Variants in STX5 observed in about 807,000 individuals in gnomAD.
STX5 encodes the protein syntaxin 5, also known as syntaxin-5.
In STX5, 15 loss-of-function variants were observed where a neutral mutation model predicts 42.9. The ratio of observed to expected loss-of-function variants is 0.35; its 90% CI spans 0.23 to 0.54. The LOEUF is 0.54. STX5 is among the 20% of genes least tolerant of loss of function. The probability of loss-of-function intolerance (pLI) is 0.91; values close to 1 mark genes in which losing one functional copy is unlikely to be tolerated. For missense variants in STX5, 430 were observed against 455.0 expected, an observed-to-expected ratio of 0.95 and a Z score of 0.50; for synonymous variants, 184 against 173.2, an observed-to-expected ratio of 1.06 and a Z score of -0.49.
intron 2 of STX5, 73 bp from the exon 3 acceptor site, chr11:62,827,704 T>C: frequency 2.7e-6 from 4 of 1,509,000 alleles, no homozygotes; most frequent in Non-Finnish European, 3.7e-6. Flanking sequence ...CTTCCTGAGG[T>C]GTCCACTAAC....
At chr11:62,819,694 G>C (rs762345012) in intron 10 of STX5, among the ~76,000 whole-genome samples, 2 of 151,092 alleles carry the variant, frequency 1.3e-5, no homozygotes, top group Admixed American at 1.3e-4. Flanking sequence ...CGCCCAGCTT[G>C]TGTTTTTGTT....
chr11:62,814,198 T>C (rs2084648068), intron 10 of STX5, among the ~76,000 whole-genome samples: 1 of 152,168 alleles, frequency 6.6e-6, no homozygotes, highest in Admixed American at 6.6e-5. Flanking sequence ...GGAGTTTCGC[T>C]CTTGTTGCTC....
intron 5 of STX5, among the ~76,000 whole-genome samples, chr11:62,825,821 T>C (rs2084789488): frequency 1.3e-5 from 2 of 152,162 alleles, no homozygotes. Flanking sequence ...CTCCATTCTG[T>C]GAGGCCATGC....
rs766065981 is a variant in STX5, at chr11:62,831,256, C to T, written c.-13G>A. 3.2e-6 allele frequency: 5 copies of T among 1,553,712 alleles called. No homozygotes were observed. In the South Asian group the frequency reaches 5.9e-5, roughly 18 times the overall value. On this transcript the variant is annotated 5_prime_UTR_variant, in exon 2 of 11. Transcript: ENST00000294179. ...TCCGCGGGATCATTGAGACGCATAACCTCGGACTGTTGTGGAGGGGAGAGT... is the reference window on the plus strand; with the variant it reads ...TCCGCGGGATCATTGAGACGCATAATCTCGGACTGTTGTGGAGGGGAGAGT...
At chr11:62,830,162 CTTT>C (rs201147713) in intron 2 of STX5, among the ~76,000 whole-genome samples, 4 of 137,766 alleles carry the variant, frequency 2.9e-5, no homozygotes, top group East Asian at 2.1e-4. Context: ...CCACGTCCAG[CTTT>C]TTTTTTTTTT....
intron 2 of STX5, chr11:62,830,491 T>G (rs2084844305): frequency 2.2e-6 from 1 of 455,048 alleles, no homozygotes; most frequent in East Asian, 7.0e-5. Flanking sequence ...AGACTGCAAG[T>G]GAGCTATCAT....
Position 62,831,234 on chromosome 11 carries a change from G to A in STX5, c.10C>T (p.Arg4Trp), listed in dbSNP as rs776207387. The stretch of plus-strand genomic sequence containing the variant: ...GTGTTCTTAGACCCGTAGCGTTTCC[G>A]CGGGATCATTGAGACGCATAACCTC... MIP[R>W]KRYGSKNTDQ... The change falls in exon 2 of 11, where the codon CGG (arginine) becomes TGG (tryptophan). Residue 4 changes from arginine (R) to tryptophan (W), a missense_variant. Transcript: ENST00000294179. 2 of 1,560,854 alleles carry A rather than the reference G, an allele frequency of 1.3e-6. No individual in the cohort carries two copies. The highest frequency in any genetic ancestry group is 1.2e-5 in the South Asian group (1 of 84,910).
intron 10 of STX5, among the ~76,000 whole-genome samples, chr11:62,812,931 G>T (rs1183690126): frequency 6.6e-6 from 1 of 151,360 alleles, no homozygotes; most frequent in Non-Finnish European, 1.5e-5. Flanking sequence ...GGCCAATATG[G>T]TGACACCCCA....
intron 2 of STX5, among the ~76,000 whole-genome samples, 164 bp downstream of exon 2, chr11:62,830,855 C>G (rs1371157067): frequency 2.0e-5 from 3 of 152,190 alleles, no homozygotes; most frequent in African/African-American, 7.2e-5. Flanking sequence ...AGTTAGCCAG[C>G]CGACCTCTTC....
chr11:62,827,093 T>C lies in STX5; in HGVS notation c.423+62A>G, dbSNP rs2084804427. The C allele has an allele frequency of 2.6e-6, 4 of 1,520,482 alleles. No homozygotes were observed. In the African/African-American group the frequency reaches 4.1e-5, roughly 16 times the overall value. 94.2% of individuals were successfully genotyped at this position (1,520,482 alleles called of 1,614,324 possible). ...TCTGGGTCCCCATGGCAATGGAAAA[T>C]GACAGGAAGACAGAAGTGATCTGAT... On this transcript the variant is annotated intron_variant, in intron 5 of 10. Coordinates refer to ENST00000294179, the MANE Select transcript of STX5 (RefSeq NM_003164.5).
chr11:62,827,578 T>C lies in STX5; in HGVS notation c.279A>G (p.Glu93=), dbSNP rs1590975523. ...PALRAVRQRS[E]FTLMAKRIGK... ...CAACTCACTTGGCCATGAGGGTGAA[T>C]TCACTGCGTTGTCGGACAGCACGCA... Residue 93 remains glutamate (E), a synonymous_variant, in exon 3 of 11, where the codon GAA becomes GAG. Coordinates refer to ENST00000294179, the MANE Select transcript of STX5 (RefSeq NM_003164.5). 6.2e-7 allele frequency: 1 copy of C among 1,614,236 alleles called. No individual in the cohort carries two copies. Among genetic ancestry groups the C allele is most frequent in the Non-Finnish European group, 8.5e-7 (1 of 1,180,038 alleles).
intron 5 of STX5, among the ~76,000 whole-genome samples, chr11:62,826,210 G>A (rs549752374): frequency 1.2e-3 from 178 of 151,920 alleles, no homozygotes; most frequent in African/African-American, 4.1e-3. Context: ...AGCCTAGATC[G>A]CGCCACTGCA....
chr11:62,816,542 G>C (rs1021642609), intron 10 of STX5, among the ~76,000 whole-genome samples: 6 of 151,860 alleles, frequency 4.0e-5, no homozygotes, highest in African/African-American at 1.5e-4. Flanking sequence ...TGAACTCCCA[G>C]AGCACTAGGA....
chr11:62,810,344 AG>A (rs1214400171), intron 10 of STX5, among the ~76,000 whole-genome samples: 3 of 152,094 alleles, frequency 2.0e-5, no homozygotes, highest in Non-Finnish European at 4.4e-5. Flanking sequence ...GGGGAGGCTG[AG>A]GTGGGGGGAT....
In STX5 at chr11:62,825,404, C is replaced by T; in HGVS notation, c.540+19G>A. The T allele has an allele frequency of 6.2e-7, 1 of 1,614,140 alleles. No individual in the cohort carries two copies. Among genetic ancestry groups the T allele is most frequent in the Non-Finnish European group, 8.5e-7 (1 of 1,180,002 alleles). ...ACATTCTTCCTCTTTGCCTCCCTCC[C>T]TTCCTCCCCAGGTCCCACCTGCAAG... On this transcript the variant is annotated intron_variant, in intron 6 of 10. Transcript: ENST00000294179.
At chr11:62,809,483 G>A (rs2730033) in intron 10 of STX5, among the ~76,000 whole-genome samples, 2,867 of 149,828 alleles carry the variant, frequency 0.019, 87 homozygotes, top group African/African-American at 0.066. Flanking sequence ...GACCATCCTG[G>A]CTAACACGGT....
chr11:62,817,062 A>G (rs955242345), intron 10 of STX5, among the ~76,000 whole-genome samples: 1 of 151,644 alleles, frequency 6.6e-6, no homozygotes. Flanking sequence ...CCTCCTGGGG[A>G]TAACAGGCAC....
At chr11:62,811,045 G>T (rs2084611805) in intron 10 of STX5, among the ~76,000 whole-genome samples, 1 of 152,110 alleles carries the variant, frequency 6.6e-6, no homozygotes, top group African/African-American at 2.4e-5. Context: ...CAAGTTCTAA[G>T]GACACATTTC....
chr11:62,807,938 A>G, intron 10 of STX5: 1 of 351,602 alleles, frequency 2.8e-6, no homozygotes, highest in South Asian at 4.2e-5. Context: ...GAGTTAGTAT[A>G]AAGTCCCTAA....
Sources: gnomAD v4.1 joint callset for allele counts (sites outside exome capture counted in the v4.1 genomes callset) on GRCh38, gnomAD v4.1.1 for gene constraint, MANE v1.5 for transcripts, NCBI Gene and HGNC (gene_info 2026-07-23, HGNC 2026-07-21) for gene names.